MRTFB: variants seen among roughly 807,000 people sequenced by gnomAD.
MRTFB encodes myocardin related transcription factor B.
Under a neutral mutation model 104.2 loss-of-function variants are expected in MRTFB, and 29 were observed. The ratio of observed to expected loss-of-function variants is 0.28; its 90% CI spans 0.21 to 0.38. MRTFB has a LOEUF of 0.38. Ranked by LOEUF, MRTFB falls within the 10% of genes least tolerant of loss-of-function variation. The pLI, the probability that MRTFB is intolerant of heterozygous loss-of-function variation, is 1.00. For missense variants in MRTFB, 1,270 were observed against 1,341.6 expected (o/e 0.95, Z 0.83); for synonymous variants, 535 against 519.5 (o/e 1.03, Z -0.41).
chr16:14,046,292 C>T, the MRTFB span, among the ~76,000 whole-genome samples: 4 of 152,138 alleles, frequency 2.6e-5, no homozygotes, highest in Non-Finnish European at 5.9e-5. Flanking sequence ...TGCCACCGCA[C>T]TCCAGCCTGG....
chr16:14,128,371 T>C (rs1354074237), intron 2 of MRTFB, among the ~76,000 whole-genome samples: 3 of 152,172 alleles, frequency 2.0e-5, no homozygotes, highest in African/African-American at 4.8e-5. Context: ...CAGTTGGAAC[T>C]GGGCAGGAGC....
Position 14,115,732 on chromosome 16 carries a change from G to A in MRTFB, c.-63-24812G>A, listed in dbSNP as rs537187243. 1.0e-3 allele frequency among the ~76,000 whole-genome samples: 156 copies of A among 152,312 alleles called. 1 individual carries two copies. Among genetic ancestry groups the A allele is most frequent in the African/African-American group, 2.9e-3 (121 of 41,568 alleles). ...TCAGCTCAGATTCTGATTTTGCTGC[G>A]TATAATTCTGGTCAGGTTGGGCCAC... On this transcript the variant is annotated intron_variant, in intron 2 of 16. Transcript: ENST00000571589.
chr16:14,115,141 TCCTTTTC>T (rs1389662859), intron 2 of MRTFB, among the ~76,000 whole-genome samples: 1 of 152,194 alleles, frequency 6.6e-6, no homozygotes, highest in East Asian at 1.9e-4. Flanking sequence ...TGACCTCAAG[TCCTTTTC>T]AGCACCACGC....
intron 2 of MRTFB, among the ~76,000 whole-genome samples, chr16:14,131,113 G>C (rs564765926): frequency 6.6e-6 from 1 of 152,250 alleles, no homozygotes; most frequent in Non-Finnish European, 1.5e-5. Flanking sequence ...CATTGCTCAA[G>C]TTCATATAAT....
At chr16:14,154,409 A>G (rs569260073) in intron 3 of MRTFB, among the ~76,000 whole-genome samples, 1 of 152,354 alleles carries the variant, frequency 6.6e-6, no homozygotes, top group Non-Finnish European at 1.5e-5. Context: ...TTTTAAAAAT[A>G]AAATGGATTT....
In MRTFB at chr16:14,080,454, G is replaced by A. The variant is rs1035237565; in HGVS notation, c.-64+1100G>A. On this transcript the variant is annotated intron_variant, in intron 2 of 16. Coordinates refer to ENST00000571589, the MANE Select transcript of MRTFB (RefSeq NM_001308142.2). ...AATGTTTCAATCTAGCTAATTATGC[G>A]TTACCTCACATAGTTACCATTTTTG... Among the ~76,000 whole-genome samples, 9 of 152,146 alleles carry A rather than the reference G, an allele frequency of 5.9e-5. No individual in the cohort carries two copies. In the East Asian group the frequency reaches 1.2e-3, roughly 20 times the overall value.
At chr16:14,148,949 A>G (rs2038469511) in intron 3 of MRTFB, among the ~76,000 whole-genome samples, 1 of 152,200 alleles carries the variant, frequency 6.6e-6, no homozygotes, top group South Asian at 2.1e-4. Context: ...TTAGATACAA[A>G]TTAGTCGTGT....
At chr16:14,207,997 T>C (rs982713847) in intron 3 of MRTFB, among the ~76,000 whole-genome samples, 7 of 152,186 alleles carry the variant, frequency 4.6e-5, no homozygotes, top group African/African-American at 9.7e-5. Context: ...AATTGAATCA[T>C]TGGACACCCA....
At chr16:14,114,868 T>C (rs928536801) in intron 2 of MRTFB, among the ~76,000 whole-genome samples, 12 of 152,232 alleles carry the variant, frequency 7.9e-5, no homozygotes, top group African/African-American at 2.4e-4. Flanking sequence ...CAAGGGGCTA[T>C]CTGGCTACCT....
In MRTFB at chr16:14,218,738, GA is replaced by G. The variant is rs2041544999; in HGVS notation, c.515-79del. ...TAAGCAGCTTCATAAATTTTCATAG[GA>G]AACAATGTTTTCCTCCTTCACATTA... is the stretch of plus-strand genomic sequence containing the variant. On this transcript the variant is annotated intron_variant, in intron 7 of 16. Transcript: ENST00000571589. 1.2e-5 allele frequency: 16 copies of G among 1,380,736 alleles called. No homozygotes were observed. In the South Asian group the frequency reaches 2.4e-4, roughly 21 times the overall value. The allele number at this position is 1,380,736 out of a possible 1,614,324, so 85.5% of individuals were successfully genotyped here.
At chr16:14,255,462 C>T (rs1339817947) in intron 15 of MRTFB, among the ~76,000 whole-genome samples, 2 of 152,216 alleles carry the variant, frequency 1.3e-5, no homozygotes, top group African/African-American at 2.4e-5. Flanking sequence ...AAGAGTGCAA[C>T]AGCACGTTTA....
At chr16:14,167,808 C>T (rs1028065330) in intron 3 of MRTFB, among the ~76,000 whole-genome samples, 1 of 152,206 alleles carries the variant, frequency 6.6e-6, no homozygotes, top group Admixed American at 6.5e-5. Context: ...TCTCCTGCCT[C>T]AGCCTCCCAG....
intron 2 of MRTFB, among the ~76,000 whole-genome samples, chr16:14,086,999 G>T (rs2034745450): frequency 6.6e-6 from 1 of 152,104 alleles, no homozygotes. Context: ...TGGAAAGTTG[G>T]GCAGAGGAGA....
At chr16:14,002,805 G>A in the MRTFB span, among the ~76,000 whole-genome samples, 2 of 151,964 alleles carry the variant, frequency 1.3e-5, no homozygotes, top group African/African-American at 4.8e-5. Context: ...TTCCTAAAAG[G>A]CTGGAAAGAA....
intron 12 of MRTFB, chr16:14,247,869 T>C (rs2043091738): frequency 5.0e-6 from 1 of 199,688 alleles, no homozygotes; most frequent in African/African-American, 2.3e-5. Flanking sequence ...CTTCACTTAA[T>C]CCTCCCTTCT....
At chr16:14,164,413 A>G (rs2039155169) in intron 3 of MRTFB, among the ~76,000 whole-genome samples, 1 of 152,008 alleles carries the variant, frequency 6.6e-6, no homozygotes, top group Non-Finnish European at 1.5e-5. Context: ...TTCTTTTTTA[A>G]TGGTTGAATA....
Position 14,265,627 on chromosome 16 carries a change from T to C in MRTFB, c.*4183T>C, listed in dbSNP as rs1268141481. ...TGGCAATGAGCAGGTGCGTGTTTTTTCCACATTCGCCCTTTCTTGCAGTAT... is the reference window on the plus strand; with the variant it reads ...TGGCAATGAGCAGGTGCGTGTTTTTCCCACATTCGCCCTTTCTTGCAGTAT... On this transcript the variant is annotated 3_prime_UTR_variant, in exon 17 of 17. Coordinates refer to ENST00000571589, the MANE Select transcript of MRTFB (RefSeq NM_001308142.2). 2.0e-5 allele frequency: 3 copies of C among 152,212 alleles called. No homozygotes were observed. Among genetic ancestry groups the C allele is most frequent in the African/African-American group, 7.2e-5 (3 of 41,456 alleles). The allele number at this position is 152,212 out of a possible 1,614,324, so 9.4% of individuals were successfully genotyped here.
At chr16:14,024,359 T>C in the MRTFB span, among the ~76,000 whole-genome samples, 3 of 152,210 alleles carry the variant, frequency 2.0e-5, no homozygotes, top group Non-Finnish European at 4.4e-5. Flanking sequence ...CTTTGGACAC[T>C]GTATTTCCTA....
the MRTFB span, among the ~76,000 whole-genome samples, chr16:14,052,570 T>C: frequency 6.6e-6 from 1 of 151,988 alleles, no homozygotes; most frequent in Non-Finnish European, 1.5e-5. Context: ...GAAACCCGTC[T>C]CTACTAAAAA....
Sources: gnomAD v4.1 joint callset for allele counts (sites outside exome capture counted in the v4.1 genomes callset) on GRCh38, gnomAD v4.1.1 for gene constraint, MANE v1.5 for transcripts, NCBI Gene and HGNC (gene_info 2026-07-23, HGNC 2026-07-21) for gene names.